ANKRD6: variants seen among roughly 807,000 people sequenced by gnomAD.
The protein encoded by ANKRD6 is ankyrin repeat domain-containing protein 6.
Under a neutral mutation model 82.3 loss-of-function variants are expected in ANKRD6, and 56 were observed. That is an observed-to-expected ratio of 0.68 (90% confidence interval 0.55 to 0.85). ANKRD6 has a LOEUF of 0.85. Among genes scored for constraint, ANKRD6 ranks in the 40% least tolerant of loss-of-function variants. The pLI, the probability that ANKRD6 is intolerant of heterozygous loss-of-function variation, is 0.00. For synonymous variants in ANKRD6, 347 were observed against 352.1 expected (o/e 0.99, Z 0.16); for missense variants, 852 against 907.6 (o/e 0.94, Z 0.79).
intron 1 of ANKRD6, among the ~76,000 whole-genome samples, chr6:89,533,368 A>T (rs1042922647): frequency 3.9e-5 from 6 of 152,162 alleles, no homozygotes; most frequent in Non-Finnish European, 5.9e-5. Flanking sequence ...GAGTGTAACC[A>T]TGGAGTTGGG....
At chr6:89,581,083 A>G (rs1792417513) in intron 2 of ANKRD6, among the ~76,000 whole-genome samples, 1 of 152,040 alleles carries the variant, frequency 6.6e-6, no homozygotes. Flanking sequence ...TGCTTCTTAC[A>G]TTGTTCCTGA....
intron 1 of ANKRD6, among the ~76,000 whole-genome samples, chr6:89,466,684 G>C (rs1421237218): frequency 6.6e-6 from 1 of 151,952 alleles, no homozygotes; most frequent in African/African-American, 2.4e-5. Context: ...ATTTGTAAGA[G>C]GTTTTTTTTG....
chr6:89,524,319 G>C (rs1361254594), intron 1 of ANKRD6, among the ~76,000 whole-genome samples: 1 of 151,864 alleles, frequency 6.6e-6, no homozygotes, highest in Non-Finnish European at 1.5e-5. Flanking sequence ...CTTCCCCTGA[G>C]TCCCCAAAGT....
intron 1 of ANKRD6, among the ~76,000 whole-genome samples, chr6:89,478,908 A>G (rs2127802998): frequency 6.6e-6 from 1 of 152,290 alleles, no homozygotes; most frequent in South Asian, 2.1e-4. Flanking sequence ...TGTTTCCCTC[A>G]CAGCCCTCGG....
chr6:89,584,653 A>T lies in ANKRD6; in HGVS notation c.121-11263A>T, dbSNP rs532967645. ...TGAATTTATTGAGCAATGTGTAAGA[A>T]TTATAAACTATGATGAAGTGAAATT... On this transcript the variant is annotated intron_variant, in intron 2 of 15. Coordinates refer to ENST00000339746, the MANE Select transcript of ANKRD6 (RefSeq NM_001242809.2). Among the ~76,000 whole-genome samples, 8 of 152,360 alleles carry T rather than the reference A, an allele frequency of 5.3e-5. No homozygotes were observed. In the South Asian group the frequency reaches 1.7e-3, roughly 32 times the overall value.
chr6:89,531,153 C>T (rs1273745343), intron 1 of ANKRD6, among the ~76,000 whole-genome samples: 4 of 152,206 alleles, frequency 2.6e-5, no homozygotes, highest in Non-Finnish European at 4.4e-5. Flanking sequence ...AGCATGCATC[C>T]GCCTGCCAGT....
chr6:89,591,173 A>G (rs1409434376), intron 2 of ANKRD6, among the ~76,000 whole-genome samples: 1 of 152,160 alleles, frequency 6.6e-6, no homozygotes, highest in Non-Finnish European at 1.5e-5. Flanking sequence ...GTGCGATCAC[A>G]GCTCACTGCA....
chr6:89,575,059 C>T, intron 2 of ANKRD6, among the ~76,000 whole-genome samples: 1 of 152,052 alleles, frequency 6.6e-6, no homozygotes, highest in East Asian at 1.9e-4. Flanking sequence ...CATGGGAAAC[C>T]CAGCAAAGCC....
At position 89,550,268 on chromosome 6, in the gene ANKRD6, G is replaced by GA. The variant is rs1049685653; in HGVS notation, c.-143-16564dup. 1.4e-4 allele frequency among the ~76,000 whole-genome samples: 22 copies of GA among 151,922 alleles called. No homozygotes were observed. In the East Asian group the frequency reaches 3.1e-3, roughly 21 times the overall value. ...CACCACTATTTTTTTTTAATACACA[G>GA]AATGTAAGATTACCTAAAATCTCTT... On this transcript the variant is annotated intron_variant, in intron 1 of 15. Coordinates refer to ENST00000339746, the MANE Select transcript of ANKRD6 (RefSeq NM_001242809.2).
intron 1 of ANKRD6, among the ~76,000 whole-genome samples, chr6:89,470,394 GGATC>G (rs1404964358): frequency 6.6e-6 from 1 of 152,210 alleles, no homozygotes; most frequent in Non-Finnish European, 1.5e-5. Context: ...CGAGGTGGGA[GGATC>G]GCTTGAGCCC....
chr6:89,525,599 A>G (rs553227749), intron 1 of ANKRD6, among the ~76,000 whole-genome samples: 14 of 152,302 alleles, frequency 9.2e-5, no homozygotes, highest in Admixed American at 8.5e-4. Context: ...CTTTTTGCAT[A>G]GGGAAGGGGC....
intron 5 of ANKRD6, among the ~76,000 whole-genome samples, chr6:89,607,775 C>A (rs1377354934): frequency 6.6e-6 from 1 of 152,040 alleles, no homozygotes; most frequent in Non-Finnish European, 1.5e-5. Context: ...CCTGCCTCAG[C>A]CTCCTAAGTA....
In ANKRD6 at chr6:89,495,106, C is replaced by T. The variant is rs113697189; in HGVS notation, c.-144+61731C>T. Among the ~76,000 whole-genome samples the T allele has an allele frequency of 3.1e-4, 47 of 152,202 alleles. 1 individual carries two copies. The highest frequency in any genetic ancestry group is 8.9e-4 in the African/African-American group (37 of 41,540). ...AAAATTAGCCGGGCGTGGTGGCAGG[C>T]GCCTGTAGTCCCAGTTACTCGGGAG... On this transcript the variant is annotated intron_variant, in intron 1 of 15. Transcript: ENST00000339746.
At position 89,602,935 on chromosome 6, in the gene ANKRD6, G is replaced by A. The variant is rs529734165; in HGVS notation, c.220-94G>A. 289 of 1,019,982 alleles carry A rather than the reference G, an allele frequency of 2.8e-4. 2 individuals are homozygous for A. Among genetic ancestry groups the A allele is most frequent in the Non-Finnish European group, 4.0e-4 (273 of 679,416 alleles). The allele number at this position is 1,019,982 out of a possible 1,614,324, so 63.2% of individuals were successfully genotyped here. ...TAACCGCTCTGCTCTGTGTGGGGAC[G>A]GGAGGGGTCCTTGTGTCCAAGTGTC... On this transcript the variant is annotated intron_variant, in intron 3 of 15. Coordinates refer to ENST00000339746, the MANE Select transcript of ANKRD6 (RefSeq NM_001242809.2).
chr6:89,621,817 TA>T, intron 9 of ANKRD6, 104 bp from the exon 10 acceptor site: 2 of 1,109,738 alleles, frequency 1.8e-6, no homozygotes, highest in Non-Finnish European at 2.7e-6. Flanking sequence ...TCTCACCCTC[TA>T]AGCTGTAAAT....
At chr6:89,501,918 G>A (rs1582950724) in intron 1 of ANKRD6, among the ~76,000 whole-genome samples, 1 of 152,112 alleles carries the variant, frequency 6.6e-6, no homozygotes, top group East Asian at 1.9e-4. Flanking sequence ...CCTCCCCACA[G>A]GATTTATGTG....
intron 1 of ANKRD6, among the ~76,000 whole-genome samples, chr6:89,477,009 A>G (rs1338423421): frequency 2.0e-5 from 3 of 152,202 alleles, no homozygotes; most frequent in African/African-American, 4.8e-5. Flanking sequence ...CAGTGGCACA[A>G]TCTTGGCCCC....
intron 3 of ANKRD6, among the ~76,000 whole-genome samples, chr6:89,596,363 GTATGGGCAAGAC>G (rs1795898292): frequency 6.6e-6 from 1 of 152,162 alleles, no homozygotes; most frequent in Non-Finnish European, 1.5e-5. Context: ...ACATTAGTGA[GTATGGGCAAGAC>G]TTGCCGGAAA....
At chr6:89,561,054 A>T (rs1240723484) in intron 1 of ANKRD6, 2 of 152,024 alleles carry the variant, frequency 1.3e-5, no homozygotes, top group African/African-American at 2.4e-5. Context: ...ATAAAAAGGG[A>T]CGGTCTCTAC....
Sources: allele counts gnomAD v4.1 joint callset (sites outside exome capture counted in the v4.1 genomes callset), GRCh38; gene constraint gnomAD v4.1.1; transcripts MANE v1.5; gene names NCBI Gene and HGNC (gene_info 2026-07-23, HGNC 2026-07-21).